ROBO2: variants seen among roughly 807,000 people sequenced by gnomAD.
The protein encoded by ROBO2 is roundabout guidance receptor 2.
In ROBO2, 53 loss-of-function variants were observed where a neutral mutation model predicts 160.8. The ratio of observed to expected loss-of-function variants is 0.33; its 90% CI spans 0.26 to 0.41. The LOEUF is 0.41. Ranked by LOEUF, ROBO2 falls within the 10% of genes least tolerant of loss-of-function variation. ROBO2 has a pLI of 1.00. For missense variants in ROBO2, 1,577 were observed against 1,722.4 expected (o/e 0.92, Z 1.49); for synonymous variants, 664 against 611.7 (o/e 1.09, Z -1.26).
intron 2 of ROBO2, among the ~76,000 whole-genome samples, chr3:76,407,559 A>G (rs1261075480): frequency 6.6e-6 from 1 of 151,960 alleles, no homozygotes; most frequent in African/African-American, 2.4e-5. Context: ...GCATCTTACC[A>G]TTACTGCACA....
At chr3:75,952,347 T>A (rs750062514) in intron 2 of ROBO2, among the ~76,000 whole-genome samples, 3 of 152,004 alleles carry the variant, frequency 2.0e-5, no homozygotes, top group Non-Finnish European at 4.4e-5. Flanking sequence ...TTCTGCTTTA[T>A]AACATAAAGA....
intron 2 of ROBO2, among the ~76,000 whole-genome samples, chr3:76,208,798 GAT>G (rs1306290611): frequency 6.6e-6 from 1 of 152,092 alleles, no homozygotes; most frequent in African/African-American, 2.4e-5. Context: ...GGGTCTGGGG[GAT>G]AATGGCACGG....
intron 2 of ROBO2, among the ~76,000 whole-genome samples, chr3:76,712,582 A>G (rs1042603247): frequency 6.6e-6 from 1 of 152,008 alleles, no homozygotes; most frequent in Non-Finnish European, 1.5e-5. Context: ...GGCTGAGGCC[A>G]GAGAATCACT....
chr3:76,139,583 G>A (rs1043330143), intron 2 of ROBO2, among the ~76,000 whole-genome samples: 4 of 151,968 alleles, frequency 2.6e-5, no homozygotes, highest in Admixed American at 6.6e-5. Flanking sequence ...ATTCATCTTC[G>A]TCCTCCAGGA....
intron 2 of ROBO2, among the ~76,000 whole-genome samples, chr3:77,007,252 A>G (rs911927684): frequency 6.6e-6 from 1 of 152,178 alleles, no homozygotes; most frequent in Non-Finnish European, 1.5e-5. Flanking sequence ...ATCTTAATGC[A>G]TTAATTAAAA....
intron 2 of ROBO2, among the ~76,000 whole-genome samples, chr3:77,289,832 G>C (rs147844087): frequency 2.0e-5 from 3 of 152,098 alleles, no homozygotes; most frequent in Non-Finnish European, 4.4e-5. Context: ...CAGTTAAACA[G>C]GTAAGCTGAG....
intron 2 of ROBO2, among the ~76,000 whole-genome samples, chr3:77,395,760 A>C (rs1432289945): frequency 2.0e-5 from 3 of 152,106 alleles, no homozygotes; most frequent in African/African-American, 7.2e-5. Flanking sequence ...TTTTAAGGGA[A>C]TTTAATATGC....
At chr3:76,088,654 A>G (rs1295266217) in intron 2 of ROBO2, among the ~76,000 whole-genome samples, 2 of 152,108 alleles carry the variant, frequency 1.3e-5, no homozygotes, top group African/African-American at 4.8e-5. Flanking sequence ...GAAATTAAAA[A>G]TATATTTTGA....
intron 2 of ROBO2, among the ~76,000 whole-genome samples, chr3:76,717,923 T>C (rs1347541864): frequency 6.6e-6 from 1 of 152,232 alleles, no homozygotes; most frequent in Non-Finnish European, 1.5e-5. Context: ...CTAATAAAAA[T>C]ACTTTGCAGC....
At chr3:76,454,226 T>C (rs1449245104) in intron 2 of ROBO2, among the ~76,000 whole-genome samples, 1 of 152,136 alleles carries the variant, frequency 6.6e-6, no homozygotes, top group Non-Finnish European at 1.5e-5. Flanking sequence ...AACAGATTTG[T>C]TTAAAAAATT....
chr3:77,552,188 A>G (rs1269316621), intron 8 of ROBO2, among the ~76,000 whole-genome samples: 3 of 152,198 alleles, frequency 2.0e-5, no homozygotes, highest in Non-Finnish European at 2.9e-5. Flanking sequence ...TCACCTGTCA[A>G]CAAAAATGTC....
chr3:77,625,197 A>T (rs1232032857), intron 23 of ROBO2, among the ~76,000 whole-genome samples: 1 of 152,134 alleles, frequency 6.6e-6, no homozygotes. Context: ...ATATCCCATA[A>T]TCTCAGTACT....
At chr3:77,276,484 T>C (rs953308850) in intron 2 of ROBO2, among the ~76,000 whole-genome samples, 1 of 152,214 alleles carries the variant, frequency 6.6e-6, no homozygotes, top group Non-Finnish European at 1.5e-5. Flanking sequence ...GAATGCAGGC[T>C]GTGGCAGTAT....
intron 2 of ROBO2, among the ~76,000 whole-genome samples, chr3:77,136,479 CTTTTTT>C (rs59688881): frequency 2.9e-5 from 2 of 67,890 alleles, no homozygotes; most frequent in African/African-American, 6.0e-5. Context: ...ATAAAATATG[CTTTTTT>C]TTTTTTTTTT....
rs201647387 is a variant in ROBO2, at chr3:76,752,437, CA to C, written c.110-345565del. On this transcript the variant is annotated intron_variant, in intron 2 of 26. Transcript: ENST00000487694. ...GTACCCTAGAACATAAAGTATAAAA[CA>C]AAAAAAAAAAAGAAAAAAAATGATG... is the stretch of plus-strand genomic sequence containing the variant. Among the ~76,000 whole-genome samples the C allele has an allele frequency of 9.8e-3, 1,227 of 125,280 alleles. 16 individuals are homozygous for C. The highest frequency in any genetic ancestry group is 0.011 in the Non-Finnish European group (627 of 57,150). 82.2% of individuals were successfully genotyped at this position (125,280 alleles called of 152,430 possible). A position where few individuals can be genotyped will look rare whatever the true frequency, so the allele number is the denominator to read the frequency against.
intron 2 of ROBO2, among the ~76,000 whole-genome samples, chr3:76,904,334 G>T (rs2075442861): frequency 6.6e-6 from 1 of 152,112 alleles, no homozygotes; most frequent in African/African-American, 2.4e-5. Flanking sequence ...TATAGAAAAA[G>T]CTGTTCTTCA....
chr3:76,266,273 TAGAGAA>T (rs1156813294), intron 2 of ROBO2, among the ~76,000 whole-genome samples: 2 of 152,242 alleles, frequency 1.3e-5, no homozygotes, highest in Admixed American at 6.5e-5. Context: ...TTACAGAAAA[TAGAGAA>T]AGAGAATATA....
chr3:76,360,381 G>C (rs932027245), intron 2 of ROBO2, among the ~76,000 whole-genome samples: 2 of 151,972 alleles, frequency 1.3e-5, no homozygotes, highest in South Asian at 2.1e-4. Context: ...GTGGCCAAGC[G>C]TGCAGAAATT....
chr3:77,556,299 A>C (rs2093118280), intron 8 of ROBO2, among the ~76,000 whole-genome samples: 1 of 151,860 alleles, frequency 6.6e-6, no homozygotes, highest in South Asian at 2.1e-4. Context: ...ATTTTCTTAA[A>C]ATGTTTTATT....
Sources: allele counts gnomAD v4.1 joint callset (sites outside exome capture counted in the v4.1 genomes callset), GRCh38; gene constraint gnomAD v4.1.1; transcripts MANE v1.5; gene names NCBI Gene and HGNC (gene_info 2026-07-23, HGNC 2026-07-21).